CACNA1E: variants seen among roughly 807,000 people sequenced by gnomAD.
CACNA1E encodes the protein calcium voltage-gated channel subunit alpha1 E.
CACNA1E carries 40 observed loss-of-function variants against 259.2 expected under a neutral mutation model. The ratio of observed to expected loss-of-function variants is 0.15; its 90% CI spans 0.12 to 0.20. The LOEUF is 0.20. Among genes scored for constraint, CACNA1E ranks in the 10% least tolerant of loss-of-function variants. The pLI is 1.00. For synonymous variants in CACNA1E, 1,104 were observed against 1,138.5 expected (o/e 0.97, Z 0.61); for missense variants, 1,874 against 3,040.1 (o/e 0.62, Z 9.02).
At chr1:181,651,678 C>A in intron 7 of CACNA1E, 1 of 386,378 alleles carries the variant, frequency 2.6e-6, no homozygotes. Context: ...ACACTGAACA[C>A]AGTATGTAGT....
chr1:181,499,647 G>A (rs933473138), intron 1 of CACNA1E, among the ~76,000 whole-genome samples: 8 of 152,166 alleles, frequency 5.3e-5, no homozygotes, highest in Admixed American at 2.0e-4. Context: ...TCCAGCATTC[G>A]AAGCCTGGCT....
intron 28 of CACNA1E, among the ~76,000 whole-genome samples, 192 bp from the exon 29 acceptor site, chr1:181,755,764 G>C (rs748265413): frequency 6.6e-6 from 1 of 152,212 alleles, no homozygotes; most frequent in African/African-American, 2.4e-5. Context: ...ATTTACTCCT[G>C]TATCTGTTGG....
At chr1:181,388,469 A>G (rs1656016738) in intron 1 of CACNA1E, among the ~76,000 whole-genome samples, 2 of 152,246 alleles carry the variant, frequency 1.3e-5, no homozygotes, top group Non-Finnish European at 2.9e-5. Flanking sequence ...GGTATAGCCT[A>G]TCGCTCCTAG....
chr1:181,340,471 T>C (rs1652068113), intron 1 of CACNA1E, among the ~76,000 whole-genome samples: 1 of 152,176 alleles, frequency 6.6e-6, no homozygotes, highest in African/African-American at 2.4e-5. Flanking sequence ...ACCTAGCTCC[T>C]CCACAAAATT....
chr1:181,572,888 T>C (rs953653456), intron 3 of CACNA1E, among the ~76,000 whole-genome samples: 4 of 152,144 alleles, frequency 2.6e-5, no homozygotes, highest in African/African-American at 9.7e-5. Context: ...GCTTGGTAAT[T>C]TGTGGCCTTA....
chr1:181,745,811 C>A lies in CACNA1E; in HGVS notation c.3720-4665C>A, dbSNP rs181041997. 1.6e-4 allele frequency among the ~76,000 whole-genome samples: 25 copies of A among 152,258 alleles called. No individual in the cohort carries two copies. In the East Asian group the frequency reaches 3.9e-3, roughly 24 times the overall value. On this transcript the variant is annotated intron_variant, in intron 25 of 47. Transcript: ENST00000367573. Reference sequence around the variant, plus strand: ...TATGTTTAGAATAAGACAAAAGAGACAACTAAATCCACTGTTCACCAGATT... The same window carrying A: ...TATGTTTAGAATAAGACAAAAGAGAAAACTAAATCCACTGTTCACCAGATT...
chr1:181,482,815 G>GCCGC (rs1347774149), upstream of CACNA1E, among the ~76,000 whole-genome samples: 3 of 152,356 alleles, frequency 2.0e-5, no homozygotes, highest in East Asian at 1.9e-4. Flanking sequence ...GCCGGTGCTC[G>GCCGC]CCGCCCGCCC....
intron 2 of CACNA1E, among the ~76,000 whole-genome samples, chr1:181,461,586 A>C (rs941145064): frequency 2.0e-5 from 3 of 150,410 alleles, no homozygotes; most frequent in Non-Finnish European, 4.4e-5. Context: ...CATTTTATAG[A>C]TGATAGTTTC....
chr1:181,597,691 A>G (rs953229052), intron 6 of CACNA1E, among the ~76,000 whole-genome samples: 1 of 152,128 alleles, frequency 6.6e-6, no homozygotes, highest in Non-Finnish European at 1.5e-5. Flanking sequence ...GCAATTTACA[A>G]ATGGAAGAGG....
chr1:181,412,205 C>T (rs1194425425), intron 1 of CACNA1E, among the ~76,000 whole-genome samples: 2 of 152,124 alleles, frequency 1.3e-5, no homozygotes, highest in African/African-American at 2.4e-5. Context: ...CACACGTGGC[C>T]CCAGGTCCTG....
intron 25 of CACNA1E, chr1:181,745,401 C>A: frequency 6.3e-6 from 3 of 479,726 alleles, no homozygotes; most frequent in Non-Finnish European, 4.0e-6. Context: ...CAGCCCGTGG[C>A]CACAGACCCA....
chr1:181,766,641 G>T, intron 35 of CACNA1E, 30 bp downstream of exon 35: 2 of 1,512,650 alleles, frequency 1.3e-6, no homozygotes, highest in Non-Finnish European at 1.8e-6. Context: ...GCCCGGTGGG[G>T]GACAGCTGTT....
Position 181,718,133 on chromosome 1 carries a change from A to G in CACNA1E, c.1604A>G (p.Tyr535Cys), listed in dbSNP as rs748086258. Residue 535 changes from tyrosine (Y) to cysteine (C), a missense_variant, in exon 12 of 48, where the codon TAT (tyrosine) becomes TGT (cysteine). By Grantham distance (194) the Tyr-to-Cys change is radical. This residue lies in a region of CACNA1E where 102 missense variants were observed against 279.4 expected (regional missense o/e 0.37). Coordinates refer to ENST00000367573, the MANE Select transcript of CACNA1E (RefSeq NM_001205293.3). ...ATGTATGGCATGGGGCCTCGCCTTTATTTTCACTCTTCATTCAACTGCTTT... is the reference window on the plus strand; with the variant it reads ...ATGTATGGCATGGGGCCTCGCCTTTGTTTTCACTCTTCATTCAACTGCTTT... ...LKMYGMGPRLYFHSSFNCFDF... is the reference protein window; with the variant it reads ...LKMYGMGPRLCFHSSFNCFDF... 1 of 1,608,622 alleles carries G rather than the reference A, an allele frequency of 6.2e-7. No homozygotes were observed. The highest frequency in any genetic ancestry group is 1.7e-5 in the Admixed American group (1 of 59,998).
intron 2 of CACNA1E, among the ~76,000 whole-genome samples, chr1:181,463,917 A>AT (rs946362391): frequency 6.6e-6 from 1 of 152,088 alleles, no homozygotes; most frequent in African/African-American, 2.4e-5. Context: ...TTTAAATAAC[A>AT]TTTTTTACAG....
chr1:181,486,238 C>G (rs1032562098), intron 1 of CACNA1E, among the ~76,000 whole-genome samples: 3 of 152,216 alleles, frequency 2.0e-5, no homozygotes, highest in African/African-American at 7.2e-5. Flanking sequence ...GTGCCTTGGC[C>G]CCGAGCCCTG....
At chr1:181,367,517 C>T (rs1038109567) in intron 1 of CACNA1E, among the ~76,000 whole-genome samples, 19 of 149,150 alleles carry the variant, frequency 1.3e-4, no homozygotes, top group South Asian at 2.1e-4. Context: ...ACTTTCCAGA[C>T]GAACTTGATT....
intron 3 of CACNA1E, among the ~76,000 whole-genome samples, chr1:181,568,484 T>C (rs1650069937): frequency 6.6e-6 from 1 of 152,222 alleles, no homozygotes; most frequent in African/African-American, 2.4e-5. Context: ...ATTGCCAAAT[T>C]TAAGCCTGGA....
chr1:181,586,342 G>A (rs1477286117), intron 6 of CACNA1E, among the ~76,000 whole-genome samples: 1 of 152,156 alleles, frequency 6.6e-6, no homozygotes, highest in African/African-American at 2.4e-5. Context: ...AGAAGGCTTG[G>A]CTGGAGAAAT....
chr1:181,529,079 G>A lies in CACNA1E; in HGVS notation c.512+17569G>A, dbSNP rs548443462. On this transcript the variant is annotated intron_variant, in intron 3 of 47. Coordinates refer to ENST00000367573, the MANE Select transcript of CACNA1E (RefSeq NM_001205293.3). ...GCCCAGAGGCCCAGGAGGAAAAAGT[G>A]GTTTTGTGGGCTGGGCCCAGGGTCC... Among the ~76,000 whole-genome samples, 13 of 152,296 alleles carry A rather than the reference G, an allele frequency of 8.5e-5. No individual in the cohort carries two copies. The East Asian group carries it at 2.5e-3, about 29-fold the overall frequency.
Sources: gnomAD v4.1 joint callset for allele counts (sites outside exome capture counted in the v4.1 genomes callset) on GRCh38, gnomAD v4.1.1 for gene constraint, gnomAD v4.1.1 regional missense constraint, MANE v1.5 for transcripts, NCBI Gene and HGNC (gene_info 2026-07-23, HGNC 2026-07-21) for gene names.